Variants in ARK2C observed in about 807,000 individuals in gnomAD.
ARK2C encodes the protein arkadia (RNF111) C-terminal like ring finger ubiquitin ligase 2C.
At chr18:46,366,788 T>G in the ARK2C span, among the ~76,000 whole-genome samples, 1 of 152,190 alleles carries the variant, frequency 6.6e-6, no homozygotes, top group African/African-American at 2.4e-5. Flanking sequence ...GCTCATTCAT[T>G]TATTTACTCA....
chr18:46,357,842 C>T, the ARK2C span, among the ~76,000 whole-genome samples: 1 of 152,216 alleles, frequency 6.6e-6, no homozygotes, highest in East Asian at 1.9e-4. Context: ...TCAAGCTGTC[C>T]GCGGGGCCAG....
At chr18:46,419,608 A>G in the ARK2C span, among the ~76,000 whole-genome samples, 1 of 152,170 alleles carries the variant, frequency 6.6e-6, no homozygotes, top group East Asian at 1.9e-4. Context: ...AAATAACTGC[A>G]TGATATTAAG....
chr18:46,350,067 C>T, the ARK2C span, among the ~76,000 whole-genome samples: 32 of 152,336 alleles, frequency 2.1e-4, no homozygotes, highest in African/African-American at 7.5e-4. Flanking sequence ...CACTCACATA[C>T]ATGTACACAC....
chr18:46,441,475 T>C, the ARK2C span, among the ~76,000 whole-genome samples: 1 of 152,268 alleles, frequency 6.6e-6, no homozygotes, highest in South Asian at 2.1e-4. Context: ...CATTTTAACA[T>C]CTGGAATCTG....
the ARK2C span, among the ~76,000 whole-genome samples, chr18:46,338,118 AT>A: frequency 6.6e-6 from 1 of 152,212 alleles, no homozygotes; most frequent in South Asian, 2.1e-4. Context: ...CTAAAAACCC[AT>A]TTTGAGTTGT....
the ARK2C span, among the ~76,000 whole-genome samples, chr18:46,356,141 G>A: frequency 6.6e-6 from 1 of 152,154 alleles, no homozygotes; most frequent in Non-Finnish European, 1.5e-5. Context: ...CCCTCACTCT[G>A]TGATATGCAG....
the ARK2C span, among the ~76,000 whole-genome samples, chr18:46,420,895 C>CT: frequency 6.6e-6 from 1 of 151,810 alleles, no homozygotes; most frequent in Non-Finnish European, 1.5e-5. Context: ...TGCTTTTCTG[C>CT]TTTTAATTTA....
the ARK2C span, among the ~76,000 whole-genome samples, chr18:46,413,243 A>C: frequency 6.6e-6 from 1 of 152,062 alleles, no homozygotes; most frequent in Non-Finnish European, 1.5e-5. Context: ...ACTGATCCTC[A>C]AGTTTTATAA....
chr18:46,334,800 T>G, the ARK2C span: 1 of 189,708 alleles, frequency 5.3e-6, no homozygotes. The surrounding 1 kb of genome is among the most constrained non-coding windows in gnomAD (Gnocchi z 4.4). Flanking sequence ...TTTTGTGTTA[T>G]GTGTGTTTTG....
chr18:46,343,634 A>G, the ARK2C span, among the ~76,000 whole-genome samples: 1 of 152,196 alleles, frequency 6.6e-6, no homozygotes. Context: ...TTCACTGCCT[A>G]TCTGCCAAGG....
the ARK2C span, among the ~76,000 whole-genome samples, chr18:46,441,945 A>AC: frequency 1.3e-5 from 2 of 151,008 alleles, no homozygotes; most frequent in Non-Finnish European, 2.9e-5. Flanking sequence ...CGGGCGGATC[A>AC]CGAGGTCAGG....
chr18:46,334,671 C>T, the ARK2C span: 136 of 304,802 alleles, frequency 4.5e-4, no homozygotes, highest in African/African-American at 3.0e-3. The surrounding 1 kb of genome is among the most constrained non-coding windows in gnomAD (Gnocchi z 4.4). Flanking sequence ...GATACATGAC[C>T]GTGTGTGTGT....
At chr18:46,434,458 C>T in the ARK2C span, among the ~76,000 whole-genome samples, 111 of 152,092 alleles carry the variant, frequency 7.3e-4, 1 homozygote, top group Non-Finnish European at 4.1e-4. Context: ...CTCTTTAATG[C>T]GTGGCTTAAT....
the ARK2C span, among the ~76,000 whole-genome samples, chr18:46,376,663 T>C: frequency 8.9e-6 from 1 of 112,274 alleles, no homozygotes; most frequent in African/African-American, 3.4e-5. Context: ...TGGTTAATAA[T>C]CTTTTTTTTT....
the ARK2C span, among the ~76,000 whole-genome samples, chr18:46,452,766 C>T: frequency 1.1e-4 from 17 of 152,164 alleles, 1 homozygote. Flanking sequence ...GGACCGTCTT[C>T]ACTCCCTCAT....
the ARK2C span, among the ~76,000 whole-genome samples, chr18:46,431,651 T>C: frequency 6.6e-6 from 1 of 152,206 alleles, no homozygotes; most frequent in Non-Finnish European, 1.5e-5. Flanking sequence ...GTTAGCATGG[T>C]GCTGCACCCC....
chr18:46,403,345 G>A, the ARK2C span, among the ~76,000 whole-genome samples: 1 of 152,308 alleles, frequency 6.6e-6, no homozygotes, highest in East Asian at 1.9e-4. Context: ...CCTGTGCTGT[G>A]CTCCTAGAGA....
the ARK2C span, among the ~76,000 whole-genome samples, chr18:46,377,798 T>C: frequency 4.6e-5 from 7 of 152,172 alleles, no homozygotes; most frequent in South Asian, 1.2e-3. Flanking sequence ...GAAAGCACTC[T>C]GGGCAGAGGG....
chr18:46,446,412 T>C, the ARK2C span, among the ~76,000 whole-genome samples: 2 of 152,276 alleles, frequency 1.3e-5, no homozygotes, highest in East Asian at 3.9e-4. Context: ...GGCTCATGCC[T>C]GTAATCTCAG....
Sources: allele counts gnomAD v4.1 joint callset (sites outside exome capture counted in the v4.1 genomes callset), GRCh38; gene constraint gnomAD v4.1.1; non-coding constraint Gnocchi (gnomAD v3.1); transcripts MANE v1.5; gene names NCBI Gene and HGNC (gene_info 2026-07-23, HGNC 2026-07-21).